Variants in GPR139 observed in about 807,000 individuals in gnomAD.
The protein encoded by GPR139 is probable G protein-coupled receptor 139.
A neutral mutation model predicts 25.8 loss-of-function variants in GPR139; 12 were observed. The observed-to-expected ratio is 0.47, with a 90% CI of 0.30 to 0.75. GPR139 has a LOEUF of 0.75. Ranked by LOEUF, GPR139 falls within the 30% of genes least tolerant of loss-of-function variation. The pLI is 0.07. For synonymous variants in GPR139, 184 were observed against 179.9 expected (o/e 1.02, Z -0.18); for missense variants, 380 against 450.2 (o/e 0.84, Z 1.41).
chr16:20,028,857 A>AAGGG lies in GPR139; in HGVS notation c.*2877_*2878insCCCT, dbSNP rs1430885046. On this transcript the variant is annotated 3_prime_UTR_variant, in exon 2 of 2. Transcript: ENST00000570682. ...AGAGGCACCACAAAAACCCACGATAAGGCAATTGCTTTAGTGCCACCAGCA... is the reference window on the plus strand; with the variant it reads ...AGAGGCACCACAAAAACCCACGATAAAGGGGGCAATTGCTTTAGTGCCACCAGCA... Among the ~76,000 whole-genome samples the AAGGG allele has an allele frequency of 1.3e-5, 2 of 152,164 alleles. No individual in the cohort carries two copies. The highest frequency in any genetic ancestry group is 2.9e-5 in the Non-Finnish European group (2 of 68,026).
chr16:20,073,664 C>T lies in GPR139; in HGVS notation c.-48G>A, dbSNP rs1239069992. 1.3e-6 allele frequency: 2 copies of T among 1,508,554 alleles called. No individual in the cohort carries two copies. Among genetic ancestry groups the T allele is most frequent in the South Asian group, 1.3e-5 (1 of 76,740 alleles). 93.4% of individuals were successfully genotyped at this position (1,508,554 alleles called of 1,614,324 possible). On this transcript the variant is annotated 5_prime_UTR_variant, in exon 1 of 2. Transcript: ENST00000570682. The surrounding 1 kb of genome is among the most constrained non-coding windows in gnomAD (Gnocchi z 4.7). Reference sequence around the variant, plus strand: ...GCCGCTTCGCGCCCGGCCTGCCAGCCCGACTCTGGTCGCCGGCTCGGTGGT... The same window carrying T: ...GCCGCTTCGCGCCCGGCCTGCCAGCTCGACTCTGGTCGCCGGCTCGGTGGT...
chr16:20,061,217 GGA>G (rs2057412343), intron 1 of GPR139, among the ~76,000 whole-genome samples: 51 of 147,266 alleles, frequency 3.5e-4, no homozygotes, highest in Non-Finnish European at 4.9e-4. Flanking sequence ...ATGGATGGAT[GGA>G]TGGATGTGTG....
chr16:20,041,551 C>T (rs2057336389), intron 1 of GPR139, among the ~76,000 whole-genome samples: 1 of 151,928 alleles, frequency 6.6e-6, no homozygotes, highest in African/African-American at 2.4e-5. Flanking sequence ...ACTCTGGACC[C>T]TGGGATGGAG....
rs1003244724 is a variant in GPR139, at chr16:20,029,519, C to T, written c.*2216G>A. On this transcript the variant is annotated 3_prime_UTR_variant, in exon 2 of 2. Coordinates refer to ENST00000570682, the MANE Select transcript of GPR139 (RefSeq NM_001002911.4). ...TATATATATATTCAGTATAGGTAGC[C>T]TTTGGTCAATGTCCATTCATAAGGG... 2.7e-5 allele frequency among the ~76,000 whole-genome samples: 4 copies of T among 150,788 alleles called. No homozygotes were observed. Among genetic ancestry groups the T allele is most frequent in the Non-Finnish European group, 4.4e-5 (3 of 67,824 alleles).
At chr16:20,068,904 T>C (rs1258264048) in intron 1 of GPR139, among the ~76,000 whole-genome samples, 2 of 152,104 alleles carry the variant, frequency 1.3e-5, no homozygotes, top group Non-Finnish European at 2.9e-5. Flanking sequence ...TTTTAGTTTG[T>C]TAATATGATG....
intron 1 of GPR139, among the ~76,000 whole-genome samples, chr16:20,037,312 C>T (rs1346807902): frequency 2.6e-5 from 4 of 151,748 alleles, no homozygotes; most frequent in Non-Finnish European, 4.4e-5. Flanking sequence ...ATTAGCCAGG[C>T]GTGGTGGTGG....
rs954207672 is a variant in GPR139, at chr16:20,070,840, T to A, written c.127+2650A>T. On this transcript the variant is annotated intron_variant, in intron 1 of 1. Coordinates refer to ENST00000570682, the MANE Select transcript of GPR139 (RefSeq NM_001002911.4). ...CCAGTCAGTGGTGGAGTAATGAGAG[T>A]TTGCTAATTGCTGGTGGCTGGGGAA... The A allele has an allele frequency of 6.0e-6, 3 of 498,846 alleles. No homozygotes were observed. In the African/African-American group the frequency reaches 6.3e-5, roughly 10 times the overall value. 30.9% of individuals were successfully genotyped at this position (498,846 alleles called of 1,614,324 possible). A position where few individuals can be genotyped will look rare whatever the true frequency, so the allele number is the denominator to read the frequency against.
chr16:20,057,951 C>T (rs2057396353), intron 1 of GPR139, among the ~76,000 whole-genome samples: 1 of 152,178 alleles, frequency 6.6e-6, no homozygotes, highest in Non-Finnish European at 1.5e-5. Context: ...TCTTTCCCTG[C>T]ATCATTATCC....
rs114883081 is a variant in GPR139, at chr16:20,041,778, G to A, written c.128-9109C>T. 3.2e-3 allele frequency among the ~76,000 whole-genome samples: 493 copies of A among 152,266 alleles called. 4 individuals carry two copies. Among genetic ancestry groups the A allele is most frequent in the African/African-American group, 0.012 (478 of 41,546 alleles). ...ATCCTTGTTTTCTGTTGTTCCTCTT[G>A]CCCCAAGGCAGAAACCTGGGAATGT... On this transcript the variant is annotated intron_variant, in intron 1 of 1. Coordinates refer to ENST00000570682, the MANE Select transcript of GPR139 (RefSeq NM_001002911.4).
intron 1 of GPR139, among the ~76,000 whole-genome samples, chr16:20,052,653 C>G (rs565756710): frequency 6.6e-6 from 1 of 152,086 alleles, no homozygotes; most frequent in African/African-American, 2.4e-5. Context: ...ACAAATTAGC[C>G]GGGCGTGGTG....
At chr16:20,062,543 T>C (rs2057417664) in intron 1 of GPR139, among the ~76,000 whole-genome samples, 1 of 152,218 alleles carries the variant, frequency 6.6e-6, no homozygotes, top group Non-Finnish European at 1.5e-5. Context: ...CCCTAGTCTA[T>C]GGTACTTTGT....
At chr16:20,040,121 C>T (rs1441802964) in intron 1 of GPR139, among the ~76,000 whole-genome samples, 4 of 152,238 alleles carry the variant, frequency 2.6e-5, no homozygotes, top group Admixed American at 1.3e-4. Flanking sequence ...CACTGTCACC[C>T]GTGGGAATGA....
chr16:20,059,146 C>A (rs1431142381), intron 1 of GPR139, among the ~76,000 whole-genome samples: 5 of 152,194 alleles, frequency 3.3e-5, no homozygotes, highest in Non-Finnish European at 7.3e-5. Context: ...CTCTGCCCAG[C>A]ACCCATTAGA....
rs138602438 is a variant in GPR139 at position 20,028,657 on chromosome 16, C to T, written c.*3078G>A. Among the ~76,000 whole-genome samples, 287 of 152,250 alleles carry T rather than the reference C, an allele frequency of 1.9e-3. 1 individual carries two copies. Among genetic ancestry groups the T allele is most frequent in the African/African-American group, 5.6e-3 (234 of 41,536 alleles). Reference sequence around the variant, plus strand: ...GCAACACACAAGTTCGTGCCCACTCCGGTCTGTCTTTTATGGTTTGTCTGT... The same window carrying T: ...GCAACACACAAGTTCGTGCCCACTCTGGTCTGTCTTTTATGGTTTGTCTGT... On this transcript the variant is annotated 3_prime_UTR_variant, in exon 2 of 2. Transcript: ENST00000570682.
chr16:20,052,421 C>T (rs1023789481), intron 1 of GPR139, among the ~76,000 whole-genome samples: 148 of 152,250 alleles, frequency 9.7e-4, no homozygotes, highest in African/African-American at 3.5e-3. Flanking sequence ...GCAGAAGCAG[C>T]ACTCATAGTG....
chr16:20,049,438 A>G (rs2057364722), intron 1 of GPR139, among the ~76,000 whole-genome samples: 1 of 152,096 alleles, frequency 6.6e-6, no homozygotes, highest in Non-Finnish European at 1.5e-5. Context: ...CAAATTCCCC[A>G]CTTACTGACT....
intron 1 of GPR139, among the ~76,000 whole-genome samples, chr16:20,038,367 G>GTA (rs1465056689): frequency 5.1e-5 from 7 of 136,836 alleles, no homozygotes; most frequent in African/African-American, 1.9e-4. Context: ...GTGTGTGTGT[G>GTA]TGTATTCTAT....
intron 1 of GPR139, among the ~76,000 whole-genome samples, chr16:20,052,027 C>T (rs1275714001): frequency 1.3e-5 from 2 of 152,174 alleles, no homozygotes; most frequent in African/African-American, 4.8e-5. Context: ...GCCCCTTTGC[C>T]AGTCTCCATC....
At chr16:20,068,823 G>A (rs1281548180) in intron 1 of GPR139, among the ~76,000 whole-genome samples, 2 of 152,046 alleles carry the variant, frequency 1.3e-5, no homozygotes, top group African/African-American at 2.4e-5. Context: ...ATCACAAATC[G>A]ATGTTAAATT....
Sources: gnomAD v4.1 joint callset for allele counts (sites outside exome capture counted in the v4.1 genomes callset) on GRCh38, gnomAD v4.1.1 for gene constraint, Gnocchi (gnomAD v3.1) non-coding constraint, MANE v1.5 for transcripts, NCBI Gene and HGNC (gene_info 2026-07-23, HGNC 2026-07-21) for gene names.